NCAM1: variants seen among roughly 807,000 people sequenced by gnomAD.
NCAM1 encodes the protein antigen recognized by monoclonal antibody 5.1H11.
A neutral mutation model predicts 109.8 loss-of-function variants in NCAM1; 14 were observed. That is an observed-to-expected ratio of 0.13 (90% CI 0.08 to 0.20). NCAM1 has a LOEUF of 0.20. Ranked by LOEUF, NCAM1 falls within the 10% of genes least tolerant of loss-of-function variation. The pLI, the probability that NCAM1 is intolerant of heterozygous loss-of-function variation, is 1.00. For missense variants in NCAM1, 774 were observed against 1,109.9 expected (o/e 0.70, Z 4.30); for synonymous variants, 418 against 442.9 (o/e 0.94, Z 0.70).
chr11:112,987,019 G>A (rs563160944), intron 1 of NCAM1, among the ~76,000 whole-genome samples: 1 of 152,060 alleles, frequency 6.6e-6, no homozygotes, highest in South Asian at 2.1e-4. Context: ...CTTTTCCAAT[G>A]TAGGCATTTA....
At chr11:112,978,485 A>G (rs1015221513) in intron 1 of NCAM1, among the ~76,000 whole-genome samples, 2 of 151,798 alleles carry the variant, frequency 1.3e-5, no homozygotes, top group Non-Finnish European at 2.9e-5. Context: ...AATAAAGAGA[A>G]GAAATGTTCT....
At chr11:113,085,638 G>A (rs75198191) in intron 1 of NCAM1, among the ~76,000 whole-genome samples, 8,036 of 152,188 alleles carry the variant, frequency 0.053, 591 homozygotes, top group Admixed American at 0.17. Flanking sequence ...ACCCCCAGGG[G>A]ACTCTGCAGC....
chr11:113,182,451 C>CG (rs1257538688), intron 1 of NCAM1, among the ~76,000 whole-genome samples: 1 of 152,178 alleles, frequency 6.6e-6, no homozygotes, highest in Non-Finnish European at 1.5e-5. Context: ...CTGTCTAGAA[C>CG]GTGCCTTTTT....
intron 1 of NCAM1, among the ~76,000 whole-genome samples, chr11:113,129,259 A>C (rs1591351904): frequency 1.3e-5 from 2 of 152,186 alleles, no homozygotes; most frequent in African/African-American, 4.8e-5. Flanking sequence ...AGATATTTTC[A>C]ATAAAAATCT....
Position 113,152,829 on chromosome 11 carries a change from G to A in NCAM1, c.53-49550G>A, listed in dbSNP as rs373224766. On this transcript the variant is annotated intron_variant, in intron 1 of 19. Transcript: ENST00000316851. ...AATGAAATTCTAGAGGTCTTTGCAT[G>A]CTGTATTAAGAGCATTTACTCAGTT... 3.3e-4 allele frequency among the ~76,000 whole-genome samples: 51 copies of A among 152,260 alleles called. 1 individual carries two copies. Among genetic ancestry groups the A allele is most frequent in the African/African-American group, 1.1e-3 (46 of 41,538 alleles).
At chr11:113,224,770 T>C (rs1242623129) in intron 9 of NCAM1, among the ~76,000 whole-genome samples, 1 of 152,206 alleles carries the variant, frequency 6.6e-6, no homozygotes, top group Non-Finnish European at 1.5e-5. Flanking sequence ...GCATTTGCTG[T>C]TCACCAATAT....
At chr11:113,083,377 C>T (rs1374433975) in intron 1 of NCAM1, among the ~76,000 whole-genome samples, 1 of 152,034 alleles carries the variant, frequency 6.6e-6, no homozygotes, top group East Asian at 1.9e-4. Flanking sequence ...TGCCTCCCAC[C>T]AGGGCTTGAT....
intron 2 of NCAM1, among the ~76,000 whole-genome samples, chr11:113,203,807 A>T (rs1944148485): frequency 6.6e-6 from 1 of 152,204 alleles, no homozygotes; most frequent in South Asian, 2.1e-4. Context: ...GCACTCCTAT[A>T]CTAGCCAGTA....
At chr11:113,096,138 C>A (rs1175580865) in intron 1 of NCAM1, among the ~76,000 whole-genome samples, 3 of 152,190 alleles carry the variant, frequency 2.0e-5, no homozygotes, top group Non-Finnish European at 4.4e-5. Context: ...CAAAGGATGG[C>A]CTGGCTTGGG....
intron 1 of NCAM1, among the ~76,000 whole-genome samples, chr11:113,136,073 C>T (rs767529431): frequency 2.6e-5 from 4 of 152,132 alleles, no homozygotes; most frequent in African/African-American, 4.8e-5. Context: ...GTCCCAGCTA[C>T]TTGGGAGGCT....
intron 1 of NCAM1, among the ~76,000 whole-genome samples, chr11:113,157,520 T>C (rs987805211): frequency 1.1e-4 from 17 of 152,170 alleles, no homozygotes; most frequent in Non-Finnish European, 4.4e-5. Flanking sequence ...GTTGTAACTT[T>C]TTTAAAATCA....
intron 1 of NCAM1, among the ~76,000 whole-genome samples, chr11:112,964,622 G>A (rs76069517): frequency 0.015 from 2,208 of 152,268 alleles, 17 homozygotes; most frequent in Middle Eastern, 0.034. Context: ...CCACAAAGTT[G>A]ACTGTGAGCA....
At chr11:113,065,692 A>G (rs1937916806) in intron 1 of NCAM1, among the ~76,000 whole-genome samples, 1 of 152,216 alleles carries the variant, frequency 6.6e-6, no homozygotes, top group African/African-American at 2.4e-5. Flanking sequence ...AGAAGCAAGC[A>G]AAGTCTGAGA....
chr11:113,200,194 A>C (rs767356921), intron 1 of NCAM1, among the ~76,000 whole-genome samples: 2 of 152,192 alleles, frequency 1.3e-5, no homozygotes, highest in Non-Finnish European at 2.9e-5. Flanking sequence ...TCTTTAAGGA[A>C]TGCTCCAGTG....
chr11:113,172,853 A>G (rs1023837006), intron 1 of NCAM1, among the ~76,000 whole-genome samples: 1 of 152,092 alleles, frequency 6.6e-6, no homozygotes, highest in African/African-American at 2.4e-5. Context: ...TAAAAAGGAA[A>G]TTTGTATCTG....
chr11:113,055,639 A>G (rs1262803180), intron 1 of NCAM1, among the ~76,000 whole-genome samples: 1 of 151,654 alleles, frequency 6.6e-6, no homozygotes, highest in Non-Finnish European at 1.5e-5. Context: ...TGTGATCCCC[A>G]CCTCCTGGTC....
At chr11:113,063,180 A>G (rs1303538510) in intron 1 of NCAM1, among the ~76,000 whole-genome samples, 1 of 152,200 alleles carries the variant, frequency 6.6e-6, no homozygotes, top group Non-Finnish European at 1.5e-5. Context: ...GATTTTAAGC[A>G]GAGGAGGATT....
At chr11:113,051,265 T>A (rs781943860) in intron 1 of NCAM1, among the ~76,000 whole-genome samples, 7 of 152,234 alleles carry the variant, frequency 4.6e-5, no homozygotes, top group Non-Finnish European at 1.0e-4. Flanking sequence ...AAGTTCCAAT[T>A]TAAGATGATA....
intron 17 of NCAM1, chr11:113,265,186 A>C (rs1591472395): frequency 1.0e-6 from 1 of 984,610 alleles, no homozygotes; most frequent in Middle Eastern, 5.2e-4. Context: ...AGGAAATAAC[A>C]GTTCATGTGA....
Sources: allele counts gnomAD v4.1 joint callset (sites outside exome capture counted in the v4.1 genomes callset), GRCh38; gene constraint gnomAD v4.1.1; transcripts MANE v1.5; gene names NCBI Gene and HGNC (gene_info 2026-07-23, HGNC 2026-07-21).